The following ZNF236 variants were observed in gnomAD, a reference collection of about 807,000 sequenced individuals.
ZNF236 encodes the protein regulated by glucose.
In ZNF236, 50 loss-of-function variants were observed where a neutral mutation model predicts 191.2. The ratio of observed to expected loss-of-function variants is 0.26; its 90% CI spans 0.21 to 0.33. The LOEUF is 0.33. Among genes scored for constraint, ZNF236 ranks in the 10% least tolerant of loss-of-function variants. The pLI, the probability that ZNF236 is intolerant of heterozygous loss-of-function variation, is 1.00. For missense variants in ZNF236, 1,754 were observed against 2,374.5 expected (o/e 0.74, Z 5.43); for synonymous variants, 907 against 928.8 (o/e 0.98, Z 0.43).
intron 10 of ZNF236, among the ~76,000 whole-genome samples, chr18:76,897,220 G>A (rs1002893036): frequency 5.3e-5 from 8 of 151,278 alleles, no homozygotes; most frequent in African/African-American, 1.9e-4. Context: ...ACATAGTACT[G>A]CACACAGGTA....
At chr18:76,879,952 A>T (rs1205338830) in intron 7 of ZNF236, among the ~76,000 whole-genome samples, 161 bp from the exon 8 acceptor site, 1 of 152,160 alleles carries the variant, frequency 6.6e-6, no homozygotes, top group Non-Finnish European at 1.5e-5. Context: ...ATCGTGCCAA[A>T]CACCAGAATC....
At chr18:76,941,178 G>A (rs1297634683) in intron 26 of ZNF236, among the ~76,000 whole-genome samples, 1 of 152,180 alleles carries the variant, frequency 6.6e-6, no homozygotes, top group Non-Finnish European at 1.5e-5. Flanking sequence ...GAGCGGGCAG[G>A]TGGTTCTCCA....
intron 9 of ZNF236, among the ~76,000 whole-genome samples, chr18:76,883,820 C>G (rs915271897): frequency 6.6e-6 from 1 of 152,112 alleles, no homozygotes; most frequent in African/African-American, 2.4e-5. Context: ...CTGAAAATAC[C>G]TCTCCAAGGA....
At chr18:76,862,205 A>C (rs1976258403) in intron 3 of ZNF236, among the ~76,000 whole-genome samples, 1 of 152,070 alleles carries the variant, frequency 6.6e-6, no homozygotes, top group African/African-American at 2.4e-5. Context: ...CACGGTTTTG[A>C]AGAAGCCTGC....
At chr18:76,840,002 G>A (rs921292209) in intron 1 of ZNF236, among the ~76,000 whole-genome samples, 2 of 152,158 alleles carry the variant, frequency 1.3e-5, no homozygotes, top group African/African-American at 4.8e-5. Context: ...AATTCTTAGA[G>A]TTCTGGTTAA....
chr18:76,968,495 C>T lies in ZNF236; in HGVS notation c.*156C>T. ...CTAAAGAATCATTGTCTTTCAGAGA[C>T]TCATAGGAAAAAAAAACTAGGAAAA... On this transcript the variant is annotated 3_prime_UTR_variant, in exon 31 of 31. Coordinates refer to ENST00000320610, the MANE Select transcript of ZNF236 (RefSeq NM_001306089.2). The T allele has an allele frequency of 7.1e-7, 1 of 1,400,938 alleles. No homozygotes were observed. The highest frequency in any genetic ancestry group is 1.6e-5 in the South Asian group (1 of 61,784). The allele number at this position is 1,400,938 out of a possible 1,614,324, so 86.8% of individuals were successfully genotyped here. A position where few individuals can be genotyped will look rare whatever the true frequency, so the allele number is the denominator to read the frequency against.
chr18:76,853,229 C>T (rs1975933994), intron 3 of ZNF236, among the ~76,000 whole-genome samples: 1 of 152,062 alleles, frequency 6.6e-6, no homozygotes, highest in South Asian at 2.1e-4. Flanking sequence ...CAGGTGCCTG[C>T]CACCATGCCT....
intron 6 of ZNF236, among the ~76,000 whole-genome samples, chr18:76,877,028 C>G (rs1976736441): frequency 6.6e-6 from 1 of 152,120 alleles, no homozygotes. Flanking sequence ...GCACCAGAAA[C>G]AGAATGGAAG....
At chr18:76,940,468 C>G (rs1027020729) in intron 26 of ZNF236, among the ~76,000 whole-genome samples, 1 of 152,194 alleles carries the variant, frequency 6.6e-6, no homozygotes, top group Admixed American at 6.5e-5. Context: ...TGGTGTGTTT[C>G]TTATTGTAGA....
rs190762703 is a variant in ZNF236, at chr18:76,971,563, C to G, written c.*3224C>G. Among the ~76,000 whole-genome samples, 137 of 152,314 alleles carry G rather than the reference C, an allele frequency of 9.0e-4. No homozygotes were observed. Among genetic ancestry groups the G allele is most frequent in the African/African-American group, 3.1e-3 (127 of 41,572 alleles). Reference sequence around the variant, plus strand: ...GATCTTTGAAATTATAGCTAGTGTTCTGTGTCTTCCTTTGAACTCATATCA... The same window carrying G: ...GATCTTTGAAATTATAGCTAGTGTTGTGTGTCTTCCTTTGAACTCATATCA... On this transcript the variant is annotated 3_prime_UTR_variant, in exon 31 of 31. Coordinates refer to ENST00000320610, the MANE Select transcript of ZNF236 (RefSeq NM_001306089.2).
chr18:76,923,997 G>T (rs1489890532), intron 21 of ZNF236, among the ~76,000 whole-genome samples: 1 of 152,080 alleles, frequency 6.6e-6, no homozygotes, highest in Non-Finnish European at 1.5e-5. Flanking sequence ...TTCATTGTTG[G>T]TTATAAGCAG....
chr18:76,965,515 G>C (rs1252486192), intron 30 of ZNF236, among the ~76,000 whole-genome samples: 1 of 152,194 alleles, frequency 6.6e-6, no homozygotes, highest in African/African-American at 2.4e-5. Context: ...ATTTGAGTAG[G>C]CTCTGTCAGA....
In ZNF236 at chr18:76,945,413, G is replaced by A. The variant is rs151214168; in HGVS notation, c.4783-2108G>A. 3.3e-5 allele frequency among the ~76,000 whole-genome samples: 5 copies of A among 152,336 alleles called. No homozygotes were observed. The East Asian group carries it at 5.8e-4, about 18-fold the overall frequency. On this transcript the variant is annotated intron_variant, in intron 26 of 30. Coordinates refer to ENST00000320610, the MANE Select transcript of ZNF236 (RefSeq NM_001306089.2). ...AACAGACATGTCACAAAAAAGTATA[G>A]CATTCACCGGTATTTGAAAATAGCA...
At chr18:76,905,058 A>T in intron 12 of ZNF236, 97 bp from the exon 13 acceptor site, 1 of 1,262,320 alleles carries the variant, frequency 7.9e-7, no homozygotes, top group Non-Finnish European at 1.1e-6. Context: ...AAAAAATGTG[A>T]TGATGAAGTG....
rs749187004 is a variant in ZNF236 at position 76,881,348 on chromosome 18, A to G, written c.1253A>G (p.His418Arg). Residue 418 changes from histidine to arginine, a missense_variant, in exon 9 of 31, where the codon CAT becomes CGT. Around this residue, in one of 5 missense-constraint regions of ZNF236, gnomAD observed 126 missense variants for 110.9 expected, o/e 1.14. Transcript: ENST00000320610. Reference protein sequence around the residue: ...PAAAHPNDSCHAKTSAPHAQN... With the variant: ...PAAAHPNDSCRAKTSAPHAQN... The stretch of plus-strand genomic sequence containing the variant: ...GCAGCACATCCTAATGACTCCTGCC[A>G]TGCCAAGACCTCTGCACCACACGCT... 3 of 1,614,170 alleles carry G rather than the reference A, an allele frequency of 1.9e-6. No individual in the cohort carries two copies. Among genetic ancestry groups the G allele is most frequent in the East Asian group, 4.5e-5 (2 of 44,882 alleles).
chr18:76,830,709 A>G (rs1975148286), intron 1 of ZNF236, among the ~76,000 whole-genome samples: 1 of 152,202 alleles, frequency 6.6e-6, no homozygotes, highest in African/African-American at 2.4e-5. Flanking sequence ...GCCATATTCA[A>G]AGCCGTCCTG....
At chr18:76,963,125 AGT>A (rs1266879084) in intron 30 of ZNF236, among the ~76,000 whole-genome samples, 1 of 152,156 alleles carries the variant, frequency 6.6e-6, no homozygotes, top group Non-Finnish European at 1.5e-5. Flanking sequence ...GAAGAGGAGT[AGT>A]GAGAGTGGGC....
At chr18:76,905,643 T>G (rs1599381699) in intron 13 of ZNF236, among the ~76,000 whole-genome samples, 1 of 152,320 alleles carries the variant, frequency 6.6e-6, no homozygotes, top group East Asian at 1.9e-4. Context: ...CATTTTTAAT[T>G]TAATAATGAA....
chr18:76,887,785 A>G (rs1336000545), intron 9 of ZNF236: 2 of 152,222 alleles, frequency 1.3e-5, no homozygotes, highest in Admixed American at 6.5e-5. Context: ...TCAAGAGAAC[A>G]GCACAGGAGA....
Sources: allele counts gnomAD v4.1 joint callset (sites outside exome capture counted in the v4.1 genomes callset), GRCh38; gene constraint gnomAD v4.1.1; regional missense constraint gnomAD v4.1.1; transcripts MANE v1.5; gene names NCBI Gene and HGNC (gene_info 2026-07-23, HGNC 2026-07-21).